VSIR: variants seen among roughly 807,000 people sequenced by gnomAD.
VSIR encodes V-set immunoregulatory receptor, also known as V-type immunoglobulin domain-containing suppressor of T-cell activation.
Under a neutral mutation model 31.0 loss-of-function variants are expected in VSIR, and 10 were observed. The observed-to-expected ratio is 0.32, with a 90% CI of 0.20 to 0.55. The LOEUF (loss-of-function observed/expected upper bound fraction) is 0.55, where lower values mean the gene tolerates loss of function less well. Among genes scored for constraint, VSIR ranks in the 20% least tolerant of loss-of-function variants. VSIR has a pLI of 0.93. For missense variants in VSIR, 356 were observed against 416.2 expected (o/e 0.86, Z 1.26); for synonymous variants, 179 against 180.1 (o/e 0.99, Z 0.05).
chr10:71,762,650 C>G (rs1840425180), intron 1 of VSIR, among the ~76,000 whole-genome samples: 1 of 148,300 alleles, frequency 6.7e-6, no homozygotes, highest in African/African-American at 2.4e-5. Flanking sequence ...GAGGAAACAG[C>G]CTTCTGGGGA....
chr10:71,760,634 C>T (rs10999987), intron 3 of VSIR: 113,489 of 509,142 alleles, frequency 0.22, 13,469 homozygotes, highest in Non-Finnish European at 0.25. Flanking sequence ...CAAGGCACAG[C>T]CACTCCAGAG....
intron 3 of VSIR, 180 bp downstream of exon 3, chr10:71,760,688 G>A: frequency 1.6e-6 from 1 of 625,872 alleles, no homozygotes; most frequent in South Asian, 1.9e-5. Context: ...AAGGAGAGTG[G>A]GCTTCTGGGG....
At position 71,760,022 on chromosome 10, in the gene VSIR, T is replaced by TAC. The variant is rs1393954043; in HGVS notation, c.568+845_568+846insGT. Among the ~76,000 whole-genome samples the TAC allele has an allele frequency of 3.2e-3, 257 of 81,206 alleles. 83 individuals are homozygous for TAC. Among genetic ancestry groups the TAC allele is most frequent in the African/African-American group, 0.011 (247 of 22,726 alleles). The allele number at this position is 81,206 out of a possible 152,430, so 53.3% of individuals were successfully genotyped here. A position where few individuals can be genotyped will look rare whatever the true frequency, so the allele number is the denominator to read the frequency against. On this transcript the variant is annotated intron_variant, in intron 3 of 6. Coordinates refer to ENST00000394957, the MANE Select transcript of VSIR (RefSeq NM_022153.2). ...ACATACATATATATACACACACACATATATACACACACACACATATATACA... is the reference window on the plus strand; with the variant it reads ...ACATACATATATATACACACACACATACATATACACACACACACATATATACA...
At position 71,760,183 on chromosome 10, in the gene VSIR, ATATATATGTATATACATATATATGTG is replaced by A. The variant is rs1254807290; in HGVS notation, c.568+659_568+684del. ...TATGTATATACATATATATGTGTGT[ATATATATGTATATACATATATATGTG>A]TGTATATATGTGTATATATATGTAT... is the stretch of plus-strand genomic sequence containing the variant. On this transcript the variant is annotated intron_variant, in intron 3 of 6. Transcript: ENST00000394957. Among the ~76,000 whole-genome samples, 3 of 53,982 alleles carry A rather than the reference ATATATATGTATATACATATATATGTG, an allele frequency of 5.6e-5. 1 individual carries two copies. The highest frequency in any genetic ancestry group is 1.8e-4 in the African/African-American group (2 of 11,118). 35.4% of individuals were successfully genotyped at this position (53,982 alleles called of 152,430 possible). A position where few individuals can be genotyped will look rare whatever the true frequency, so the allele number is the denominator to read the frequency against.
Position 71,759,904 on chromosome 10 carries a change from T to TAC in VSIR, c.568+962_568+963dup, listed in dbSNP as rs368682291. 9.1e-5 allele frequency among the ~76,000 whole-genome samples: 5 copies of TAC among 54,766 alleles called. 1 individual carries two copies. The Admixed American group carries it at 1.0e-3, about 11-fold the overall frequency. 35.9% of individuals were successfully genotyped at this position (54,766 alleles called of 152,430 possible). ...ACACACATATACACACACACATATA[T>TAC]ACACACACACATATATACACACACA... On this transcript the variant is annotated intron_variant, in intron 3 of 6. Coordinates refer to ENST00000394957, the MANE Select transcript of VSIR (RefSeq NM_022153.2).
intron 1 of VSIR, among the ~76,000 whole-genome samples, chr10:71,770,216 A>G (rs934653310): frequency 2.0e-5 from 3 of 152,246 alleles, no homozygotes; most frequent in African/African-American, 7.2e-5. Flanking sequence ...AATATTACAC[A>G]GTATTCACGA....
At chr10:71,755,313 G>T in intron 4 of VSIR, 46 bp downstream of exon 4, 2 of 1,525,172 alleles carry the variant, frequency 1.3e-6, no homozygotes, top group South Asian at 1.2e-5. Context: ...GGCTGGAGCA[G>T]GTCACTCGCA....
intron 1 of VSIR, among the ~76,000 whole-genome samples, chr10:71,766,370 G>A (rs1002136715): frequency 6.6e-6 from 1 of 151,780 alleles, no homozygotes; most frequent in African/African-American, 2.4e-5. Context: ...CCCGCCACCC[G>A]CCACCTGCCA....
At position 71,762,137 on chromosome 10, in the gene VSIR, G is replaced by A. The variant is rs937205023; in HGVS notation, c.83-111C>T. ...GCTACTTCCCAGCCACAGGCCAGGG[G>A]CATGTCAGCTGACCTCCCTAAGACT... On this transcript the variant is annotated intron_variant, in intron 1 of 6. Coordinates refer to ENST00000394957, the MANE Select transcript of VSIR (RefSeq NM_022153.2). 4 of 1,281,730 alleles carry A rather than the reference G, an allele frequency of 3.1e-6. No homozygotes were observed. The African/African-American group carries it at 6.0e-5, about 19-fold the overall frequency. The allele number at this position is 1,281,730 out of a possible 1,614,324, so 79.4% of individuals were successfully genotyped here. A position where few individuals can be genotyped will look rare whatever the true frequency, so the allele number is the denominator to read the frequency against.
At position 71,751,811 on chromosome 10, in the gene VSIR, T is replaced by C; in HGVS notation, c.755A>G (p.Gln252Arg). The C allele has an allele frequency of 6.3e-7, 1 of 1,583,448 alleles. No homozygotes were observed. The highest frequency in any genetic ancestry group is 8.6e-7 in the Non-Finnish European group (1 of 1,165,900). The change falls in exon 6 of 7, where the codon CAG (glutamine) becomes CGG (arginine). Residue 252 changes from glutamine to arginine, a missense_variant. Physicochemically the swap from Gln to Arg is conservative, Grantham distance 43. Around this residue, in one of 2 missense-constraint regions of VSIR, gnomAD observed 190 missense variants for 185.2 expected, o/e 1.03. Coordinates refer to ENST00000394957, the MANE Select transcript of VSIR (RefSeq NM_022153.2). The surrounding 1 kb of genome is among the most constrained non-coding windows in gnomAD (Gnocchi z 4.9). Reference protein sequence around the residue: ...NPGFEASPPAQGIPEAKVRHP... With the variant: ...NPGFEASPPARGIPEAKVRHP... ...CCTGACTTTGGCCTCGGGTATCCCC[T>C]GGGCAGGTGGTGAGGCTTCAAAGCC...
At chr10:71,765,988 C>T (rs752038077) in intron 1 of VSIR, among the ~76,000 whole-genome samples, 36 of 152,146 alleles carry the variant, frequency 2.4e-4, no homozygotes, top group Non-Finnish European at 3.5e-4. Flanking sequence ...AGGCCCACAG[C>T]AGCCTGTCGT....
In VSIR at chr10:71,750,416, C is replaced by T. The variant is rs1839965550; in HGVS notation, c.*837G>A. ...TGTGGCACCCTTGCAATGGCCCGCG[C>T]TGAGCAGTGGGAGTAGGGGATGGGG... is the stretch of plus-strand genomic sequence containing the variant. On this transcript the variant is annotated 3_prime_UTR_variant, in exon 7 of 7. Transcript: ENST00000394957. The T allele has an allele frequency of 6.7e-6, 1 of 148,674 alleles. No homozygotes were observed. The highest frequency in any genetic ancestry group is 2.4e-5 in the African/African-American group (1 of 40,916). The allele number at this position is 148,674 out of a possible 1,614,324, so 9.2% of individuals were successfully genotyped here. A position where few individuals can be genotyped will look rare whatever the true frequency, so the allele number is the denominator to read the frequency against.
chr10:71,767,528 T>A (rs758474320), intron 1 of VSIR, among the ~76,000 whole-genome samples: 5 of 152,064 alleles, frequency 3.3e-5, no homozygotes, highest in Non-Finnish European at 7.4e-5. Flanking sequence ...TGGTTCCAGC[T>A]CCCCGCCAGG....
intron 1 of VSIR, among the ~76,000 whole-genome samples, chr10:71,772,731 G>A (rs1424790789): frequency 6.6e-6 from 1 of 152,198 alleles, no homozygotes; most frequent in Non-Finnish European, 1.5e-5. Flanking sequence ...GTCCCTGAGT[G>A]GCAGCCTTGC....
intron 3 of VSIR, among the ~76,000 whole-genome samples, chr10:71,759,852 C>CACACACACACACACATATAT (rs1564779152): frequency 2.6e-5 from 2 of 76,906 alleles, no homozygotes; most frequent in African/African-American, 1.1e-4. Context: ...CACACATATA[C>CACACACACACACACATATAT]ACACACACAC....
At chr10:71,754,293 A>G (rs1350508748) in intron 4 of VSIR, among the ~76,000 whole-genome samples, 1 of 151,404 alleles carries the variant, frequency 6.6e-6, no homozygotes, top group Admixed American at 6.6e-5. Context: ...TGAGGTGGCC[A>G]CAGCCCCCGA....
At chr10:71,768,572 C>T (rs867468264) in intron 1 of VSIR, among the ~76,000 whole-genome samples, 2 of 152,108 alleles carry the variant, frequency 1.3e-5, no homozygotes, top group Non-Finnish European at 2.9e-5. Context: ...AACTCATGGG[C>T]TCAAGTTATC....
At chr10:71,765,971 T>C (rs1021527732) in intron 1 of VSIR, among the ~76,000 whole-genome samples, 2 of 152,104 alleles carry the variant, frequency 1.3e-5, no homozygotes, top group Non-Finnish European at 2.9e-5. Context: ...AGACTCCAGC[T>C]GGGACAAGGC....
intron 4 of VSIR, 78 bp downstream of exon 4, chr10:71,755,281 G>A (rs1298384865): frequency 2.3e-6 from 3 of 1,325,212 alleles, no homozygotes; most frequent in East Asian, 2.5e-5. Flanking sequence ...GTGCCTTTGC[G>A]AATCCCAGGG....
Sources: gnomAD v4.1 joint callset for allele counts (sites outside exome capture counted in the v4.1 genomes callset) on GRCh38, gnomAD v4.1.1 for gene constraint, gnomAD v4.1.1 regional missense constraint, Gnocchi (gnomAD v3.1) non-coding constraint, MANE v1.5 for transcripts, NCBI Gene and HGNC (gene_info 2026-07-23, HGNC 2026-07-21) for gene names.